PCDH10: variants seen among roughly 807,000 people sequenced by gnomAD.
PCDH10 encodes protocadherin 10, also known as protocadherin-10.
PCDH10 carries 15 observed loss-of-function variants against 74.4 expected under a neutral mutation model. That is an observed-to-expected ratio of 0.20 (90% CI 0.13 to 0.31). The LOEUF is 0.31. Among genes scored for constraint, PCDH10 ranks in the 10% least tolerant of loss-of-function variants. The probability of loss-of-function intolerance (pLI) is 1.00; values close to 1 mark genes in which losing one functional copy is unlikely to be tolerated. For synonymous variants in PCDH10, 619 were observed against 589.8 expected (o/e 1.05, Z -0.72); for missense variants, 1,260 against 1,390.2 (o/e 0.91, Z 1.49).
intron 4 of PCDH10, among the ~76,000 whole-genome samples, chr4:133,178,501 G>T (rs1248541919): frequency 6.6e-6 from 1 of 151,776 alleles, no homozygotes; most frequent in Admixed American, 6.6e-5. Flanking sequence ...CTCCCAAAGT[G>T]CTGGGATTAC....
In PCDH10 at chr4:133,191,898, T is replaced by G. The variant is rs915920038; in HGVS notation, c.*1738T>G. ...AAAACTTAACATTTGACAAATGTTC[T>G]TCATCAAATTTTATGTAACTTAAGT... On this transcript the variant is annotated 3_prime_UTR_variant, in exon 5 of 5. Coordinates refer to ENST00000264360, the MANE Select transcript of PCDH10 (RefSeq NM_032961.3). 6.6e-6 allele frequency: 1 copy of G among 151,448 alleles called. No individual in the cohort carries two copies. The highest frequency in any genetic ancestry group is 2.4e-5 in the African/African-American group (1 of 41,314). The allele number at this position is 151,448 out of a possible 1,614,324, so 9.4% of individuals were successfully genotyped here.
At position 133,152,214 on chromosome 4, in the gene PCDH10, G is replaced by A; in HGVS notation, c.2074G>A (p.Gly692Arg). Reference sequence around the variant, plus strand: ...GGAGCCCCAGGGCGGGGGCGGGAGCGGAGGCGGAGGGTCAGGAGAGCACCA... The same window carrying A: ...GGAGCCCCAGGGCGGGGGCGGGAGCAGAGGCGGAGGGTCAGGAGAGCACCA... ...AVEPQGGGGS[G>R]GGGSGEHQRP... The change falls in exon 1 of 5, where the codon GGA becomes AGA. Residue 692 changes from glycine (G) to arginine (R), a missense_variant. By Grantham distance (125) the Gly-to-Arg change is moderately radical. Coordinates refer to ENST00000264360, the MANE Select transcript of PCDH10 (RefSeq NM_032961.3). The A allele has an allele frequency of 1.9e-6, 3 of 1,588,532 alleles. No homozygotes were observed. The highest frequency in any genetic ancestry group is 3.4e-4 in the Middle Eastern group (2 of 5,920).
intron 2 of PCDH10, among the ~76,000 whole-genome samples, chr4:133,199,910 G>C (rs1323662530): frequency 6.6e-6 from 1 of 151,020 alleles, no homozygotes; most frequent in Non-Finnish European, 1.5e-5. Context: ...CCATTCTGCT[G>C]CCTCAGCCTC....
intron 4 of PCDH10, among the ~76,000 whole-genome samples, chr4:133,189,237 A>C (rs191592447): frequency 3.2e-4 from 49 of 152,256 alleles, no homozygotes; most frequent in Admixed American, 2.4e-3. Flanking sequence ...AGATATGTGA[A>C]AATTTAATCT....
At position 133,167,599 on chromosome 4, in the gene PCDH10, T is replaced by A. The variant is rs527931380; in HGVS notation, c.3103+4317T>A. Among the ~76,000 whole-genome samples the A allele has an allele frequency of 9.9e-5, 15 of 151,598 alleles. No individual in the cohort carries two copies. The East Asian group carries it at 2.3e-3, about 23-fold the overall frequency. ...CACCGCTAAATGAATGGACCTCTCT[T>A]GTAGGATTTTTTCTTTTTAACTTGA... On this transcript the variant is annotated intron_variant, in intron 4 of 4. Transcript: ENST00000264360.
chr4:133,198,575 A>G (rs548429126), downstream of PCDH10, among the ~76,000 whole-genome samples: 102 of 152,306 alleles, frequency 6.7e-4, 2 homozygotes, highest in Admixed American at 5.3e-3. Context: ...ATGGCCTCAC[A>G]TGACAGTGTT....
At chr4:133,201,585 G>A (rs1727910545) in intron 2 of PCDH10, among the ~76,000 whole-genome samples, 1 of 152,006 alleles carries the variant, frequency 6.6e-6, no homozygotes, top group African/African-American at 2.4e-5. Context: ...TGCTAGGCGG[G>A]GTGGCTCACA....
At position 133,193,648 on chromosome 4, in the gene PCDH10, G is replaced by C. The variant is rs1264646445; in HGVS notation, c.*3488G>C. On this transcript the variant is annotated 3_prime_UTR_variant, in exon 5 of 5. Coordinates refer to ENST00000264360, the MANE Select transcript of PCDH10 (RefSeq NM_032961.3). ...CAGCAAGATCAAGAAAAGTATTTAAGTTATTGACTGATCATAGCACTGTTA... is the reference window on the plus strand; with the variant it reads ...CAGCAAGATCAAGAAAAGTATTTAACTTATTGACTGATCATAGCACTGTTA... The C allele has an allele frequency of 6.6e-6, 1 of 151,612 alleles. No individual in the cohort carries two copies. Among genetic ancestry groups the C allele is most frequent in the Non-Finnish European group, 1.5e-5 (1 of 67,670 alleles). 9.4% of individuals were successfully genotyped at this position (151,612 alleles called of 1,614,324 possible).
At chr4:133,165,785 T>G (rs1226583574) in intron 4 of PCDH10, among the ~76,000 whole-genome samples, 1 of 151,726 alleles carries the variant, frequency 6.6e-6, no homozygotes, top group East Asian at 1.9e-4. Context: ...AATGACGATA[T>G]GCTTAAAAAT....
rs1578558411 is a variant in PCDH10 at position 133,152,719 on chromosome 4, A to G, written c.2579A>G (p.Tyr860Cys). The G allele has an allele frequency of 2.5e-6, 4 of 1,614,218 alleles. No individual in the cohort carries two copies. The highest frequency in any genetic ancestry group is 3.4e-6 in the Non-Finnish European group (4 of 1,180,036). The change falls in exon 1 of 5, where the codon TAC becomes TGC. Residue 860 changes from tyrosine to cysteine, a missense_variant. Tyr to Cys is a radical substitution (Grantham distance 194). Transcript: ENST00000264360. ...HNPCGAIVTGYTDQQPDIISN... is the reference protein window; with the variant it reads ...HNPCGAIVTGCTDQQPDIISN... ...CCCTGCGGGGCCATCGTCACCGGTT[A>G]CACCGACCAGCAGCCTGATATCATC... is the stretch of plus-strand genomic sequence containing the variant.
intron 4 of PCDH10, among the ~76,000 whole-genome samples, chr4:133,180,569 G>A (rs1727395877): frequency 1.3e-5 from 2 of 151,898 alleles, no homozygotes; most frequent in Admixed American, 1.3e-4. Context: ...TTGTACACTT[G>A]TGATAGTTTA....
Position 133,190,926 on chromosome 4 carries a change from C to T in PCDH10, c.*766C>T, listed in dbSNP as rs1435071481. The T allele has an allele frequency of 1.3e-5, 2 of 152,250 alleles. No homozygotes were observed. Among genetic ancestry groups the T allele is most frequent in the South Asian group, 2.1e-4 (1 of 4,834 alleles). 9.4% of individuals were successfully genotyped at this position (152,250 alleles called of 1,614,324 possible). ...GTTTTCTCCCAATTTCCATATCTTACTCAACCGTGTTTTTCCTTGTTTAAA... is the reference window on the plus strand; with the variant it reads ...GTTTTCTCCCAATTTCCATATCTTATTCAACCGTGTTTTTCCTTGTTTAAA... On this transcript the variant is annotated 3_prime_UTR_variant, in exon 5 of 5. Coordinates refer to ENST00000264360, the MANE Select transcript of PCDH10 (RefSeq NM_032961.3).
rs767880576 is a variant in PCDH10 at position 133,150,369 on chromosome 4, G to C, written c.229G>C (p.Glu77Gln). The change falls in exon 1 of 5, where the codon GAG (glutamate) becomes CAG (glutamine). Residue 77 changes from glutamate (E) to glutamine (Q), a missense_variant. Physicochemically the swap from Glu to Gln is conservative, Grantham distance 29. Around this residue, in one of 11 missense-constraint regions of PCDH10, gnomAD observed 103 missense variants for 91.5 expected, o/e 1.13. Transcript: ENST00000264360. ...NLETGVLYVN[E>Q]KIDREQICKQ... ...GGAGACAGGGGTGCTGTACGTGAAC[G>C]AGAAAATAGACCGCGAACAAATCTG... The C allele has an allele frequency of 6.2e-7, 1 of 1,613,972 alleles. No homozygotes were observed. Among genetic ancestry groups the C allele is most frequent in the Non-Finnish European group, 8.5e-7 (1 of 1,179,972 alleles).
chr4:133,185,425 A>G (rs1162881661), intron 4 of PCDH10, among the ~76,000 whole-genome samples: 1 of 152,074 alleles, frequency 6.6e-6, no homozygotes, highest in African/African-American at 2.4e-5. Flanking sequence ...TTTAAAGGGA[A>G]CCGTTAAACA....
At chr4:133,153,729 T>A (rs972732767) in intron 1 of PCDH10, 1 of 16,738 alleles carries the variant, frequency 6.0e-5, no homozygotes. Context: ...AGAATGGGGG[T>A]GGTGGGGGGC....
Position 133,163,231 on chromosome 4 carries a change from C to A in PCDH10, c.3052C>A (p.Leu1018Met), listed in dbSNP as rs1365814588. 3 of 1,614,034 alleles carry A rather than the reference C, an allele frequency of 1.9e-6. No individual in the cohort carries two copies. Among genetic ancestry groups the A allele is most frequent in the Non-Finnish European group, 2.5e-6 (3 of 1,179,984 alleles). Reference sequence around the variant, plus strand: ...TCACAGCACTCTGGAGAGGAAGGAGCTGGATGGACTGCTGACTAATACGCG... The same window carrying A: ...TCACAGCACTCTGGAGAGGAAGGAGATGGATGGACTGCTGACTAATACGCG... ...ALHSTLERKE[L>M]DGLLTNTRAP... The change falls in exon 4 of 5, where the codon CTG becomes ATG. Residue 1018 changes from leucine to methionine, a missense_variant. By Grantham distance (15) the Leu-to-Met change is conservative (BLOSUM62 2). Coordinates refer to ENST00000264360, the MANE Select transcript of PCDH10 (RefSeq NM_032961.3).
At position 133,151,851 on chromosome 4, in the gene PCDH10, G is replaced by A; in HGVS notation, c.1711G>A (p.Ala571Thr). Reference protein sequence around the residue: ...NILIVDQNDNAPAIVAPLPGR... With the variant: ...NILIVDQNDNTPAIVAPLPGR... ...CCTCATAGTGGATCAAAATGACAAC[G>A]CCCCTGCCATCGTGGCGCCTCTACC... is the stretch of plus-strand genomic sequence containing the variant. Residue 571 changes from alanine to threonine, a missense_variant, in exon 1 of 5, where the codon GCC (alanine) becomes ACC (threonine). Physicochemically the swap from Ala to Thr is moderately conservative, Grantham distance 58. This residue lies in a region of PCDH10 where 587 missense variants were observed against 616.9 expected (regional missense o/e 0.95). Coordinates refer to ENST00000264360, the MANE Select transcript of PCDH10 (RefSeq NM_032961.3). 6.2e-7 allele frequency: 1 copy of A among 1,613,086 alleles called. No individual in the cohort carries two copies. Among genetic ancestry groups the A allele is most frequent in the South Asian group, 1.1e-5 (1 of 91,092 alleles).
chr4:133,174,584 G>A (rs2125867685), intron 4 of PCDH10, among the ~76,000 whole-genome samples: 1 of 151,544 alleles, frequency 6.6e-6, no homozygotes, highest in African/African-American at 2.4e-5. Context: ...GTTATGTCCT[G>A]TGAAATAGGC....
chr4:133,191,372 A>G lies in PCDH10; in HGVS notation c.*1212A>G, dbSNP rs1727665005. 1 of 152,250 alleles carries G rather than the reference A, an allele frequency of 6.6e-6. No individual in the cohort carries two copies. Among genetic ancestry groups the G allele is most frequent in the Non-Finnish European group, 1.5e-5 (1 of 67,814 alleles). 9.4% of individuals were successfully genotyped at this position (152,250 alleles called of 1,614,324 possible). On this transcript the variant is annotated 3_prime_UTR_variant, in exon 5 of 5. Transcript: ENST00000264360. ...ATCTGAACTGGTAAAGAATAACTAT[A>G]AAATATGAAAGCTCTAAATTTAAAA...
Sources: allele counts gnomAD v4.1 joint callset (sites outside exome capture counted in the v4.1 genomes callset), GRCh38; gene constraint gnomAD v4.1.1; regional missense constraint gnomAD v4.1.1; transcripts MANE v1.5; gene names NCBI Gene and HGNC (gene_info 2026-07-23, HGNC 2026-07-21).